CLDN14: variants seen among roughly 807,000 people sequenced by gnomAD.
CLDN14 encodes claudin-14.
A neutral mutation model predicts 2.1 loss-of-function variants in CLDN14; 2 were observed. The ratio of observed to expected loss-of-function variants is 0.96; its 90% CI spans 0.39 to 3.01. The LOEUF (loss-of-function observed/expected upper bound fraction) is 3.01, where lower values mean the gene tolerates loss of function less well. CLDN14 is among the 30% of genes most tolerant of loss of function. The pLI is 0.09. For missense variants in CLDN14, 298 were observed against 328.0 expected (o/e 0.91, Z 0.71); for synonymous variants, 136 against 154.4 (o/e 0.88, Z 0.88).
chr21:36,525,769 C>G (rs541317866), intron 1 of CLDN14, among the ~76,000 whole-genome samples: 1 of 152,316 alleles, frequency 6.6e-6, no homozygotes, highest in South Asian at 2.1e-4. Flanking sequence ...ACTCCTCCAG[C>G]GATACAGCTG....
At chr21:36,568,223 C>T (rs898360416) in intron 1 of CLDN14, among the ~76,000 whole-genome samples, 6 of 152,144 alleles carry the variant, frequency 3.9e-5, no homozygotes, top group African/African-American at 1.2e-4. Flanking sequence ...AACGGAGCTG[C>T]TAAGGTGGAC....
intron 1 of CLDN14, among the ~76,000 whole-genome samples, chr21:36,535,612 G>T (rs2087417943): frequency 6.6e-6 from 1 of 152,110 alleles, no homozygotes; most frequent in East Asian, 1.9e-4. Flanking sequence ...GACATGTATA[G>T]TCATGTTTTA....
At chr21:36,471,448 T>TG (rs1333388578) in intron 1 of CLDN14, among the ~76,000 whole-genome samples, 7 of 152,088 alleles carry the variant, frequency 4.6e-5, no homozygotes, top group East Asian at 1.9e-4. Context: ...ACAGAGAGTT[T>TG]GGGGGGGCTC....
At chr21:36,565,749 G>A (rs1401533673) in intron 1 of CLDN14, among the ~76,000 whole-genome samples, 1 of 152,168 alleles carries the variant, frequency 6.6e-6, no homozygotes, top group African/African-American at 2.4e-5. Flanking sequence ...TAGTGCTGTG[G>A]AGTCTTCCAA....
At chr21:36,540,362 TTTTA>T (rs1418786360) in intron 1 of CLDN14, among the ~76,000 whole-genome samples, 6 of 152,162 alleles carry the variant, frequency 3.9e-5, no homozygotes, top group Non-Finnish European at 8.8e-5. Context: ...TTGTATTGTT[TTTTA>T]TTGTTGTGTT....
chr21:36,543,327 T>C (rs1360643152), intron 1 of CLDN14, among the ~76,000 whole-genome samples: 1 of 152,312 alleles, frequency 6.6e-6, no homozygotes, highest in Non-Finnish European at 1.5e-5. Flanking sequence ...GAACAAAAAA[T>C]GTCCCTGCTC....
At position 36,540,779 on chromosome 21, in the gene CLDN14, T is replaced by C. The variant is rs144546223; in HGVS notation, c.-219-30279A>G. 7.2e-3 allele frequency among the ~76,000 whole-genome samples: 1,092 copies of C among 152,184 alleles called. 9 individuals are homozygous for C. Among genetic ancestry groups the C allele is most frequent in the Middle Eastern group, 0.01 (3 of 294 alleles). ...GCCAGACCTTACAGGTGGTGATAAA[T>C]AGTTAGATGTTTATTCTAAGGGAAG... On this transcript the variant is annotated intron_variant, in intron 1 of 2. Transcript: ENST00000342108.
At chr21:36,573,646 A>G (rs184794161) in intron 1 of CLDN14, among the ~76,000 whole-genome samples, 4 of 152,290 alleles carry the variant, frequency 2.6e-5, no homozygotes, top group Admixed American at 2.6e-4. Flanking sequence ...TTAGTCTTAA[A>G]TTATTTATTT....
intron 1 of CLDN14, among the ~76,000 whole-genome samples, chr21:36,553,416 A>C (rs440551): frequency 0.75 from 113,819 of 151,966 alleles, 44,103 homozygotes; most frequent in Non-Finnish European, 0.87. Context: ...TCTGGTCCAG[A>C]CTCTGCTGGC....
intron 1 of CLDN14, among the ~76,000 whole-genome samples, chr21:36,523,797 A>T (rs150313090): frequency 1.3e-5 from 1 of 79,366 alleles, no homozygotes; most frequent in Non-Finnish European, 2.3e-5. Context: ...GAAAGAAAGA[A>T]AGAAAGAAAG....
chr21:36,528,639 C>T lies in CLDN14; in HGVS notation c.-219-18139G>A, dbSNP rs2087354561. Among the ~76,000 whole-genome samples the T allele has an allele frequency of 3.9e-5, 6 of 152,284 alleles. No individual in the cohort carries two copies. The South Asian group carries it at 1.0e-3, about 26-fold the overall frequency. ...CCACAGATATTGGGGTATGTGGGTC[C>T]CTGAGTCTTCGGTCCATGCAAGGGG... is the stretch of plus-strand genomic sequence containing the variant. On this transcript the variant is annotated intron_variant, in intron 1 of 2. Coordinates refer to the CLDN14 transcript ENST00000342108.
intron 1 of CLDN14, among the ~76,000 whole-genome samples, chr21:36,574,939 G>A (rs754827807): frequency 6.6e-6 from 1 of 151,944 alleles, no homozygotes; most frequent in Non-Finnish European, 1.5e-5. Flanking sequence ...CCTGTCCCCT[G>A]CATCTTTAGA....
chr21:36,495,363 A>G (rs928790944), intron 2 of CLDN14, among the ~76,000 whole-genome samples: 11 of 152,230 alleles, frequency 7.2e-5, no homozygotes, highest in Admixed American at 3.3e-4. Flanking sequence ...GGGAACCAGA[A>G]AGTCTGATTG....
intron 1 of CLDN14, among the ~76,000 whole-genome samples, chr21:36,522,398 G>A (rs1193124550): frequency 6.6e-6 from 1 of 152,214 alleles, no homozygotes; most frequent in East Asian, 1.9e-4. Context: ...TTAACTTTGG[G>A]AGACACTGAG....
At chr21:36,534,680 G>T (rs2146504667) in intron 1 of CLDN14, among the ~76,000 whole-genome samples, 1 of 152,250 alleles carries the variant, frequency 6.6e-6, no homozygotes, top group South Asian at 2.1e-4. Context: ...CTACTCCAGG[G>T]GCAAGCAGCC....
Position 36,499,468 on chromosome 21 carries a change from G to C in CLDN14, c.-82+10895C>G, listed in dbSNP as rs1274456809. On this transcript the variant is annotated intron_variant, in intron 2 of 2. Transcript: ENST00000342108. The surrounding 1 kb of genome is among the most constrained non-coding windows in gnomAD (Gnocchi z 4.7). Reference sequence around the variant, plus strand: ...ATGAATGGAGGATTGAGTGCATTTAGGCTATTAGTAGAAAGTGATCAAGAT... The same window carrying C: ...ATGAATGGAGGATTGAGTGCATTTACGCTATTAGTAGAAAGTGATCAAGAT... 6.6e-6 allele frequency among the ~76,000 whole-genome samples: 1 copy of C among 152,142 alleles called. No homozygotes were observed. The highest frequency in any genetic ancestry group is 1.5e-5 in the Non-Finnish European group (1 of 68,018).
At chr21:36,495,972 G>A (rs577305140) in intron 2 of CLDN14, among the ~76,000 whole-genome samples, 1 of 152,302 alleles carries the variant, frequency 6.6e-6, no homozygotes, top group Non-Finnish European at 1.5e-5. Flanking sequence ...GAAGGGGCAA[G>A]GAAGCCTTCT....
chr21:36,475,899 C>T (rs578027754), intron 1 of CLDN14, among the ~76,000 whole-genome samples: 3 of 152,148 alleles, frequency 2.0e-5, no homozygotes, highest in African/African-American at 4.8e-5. Context: ...CTCAAACTCC[C>T]GACTTCAAAT....
At position 36,572,032 on chromosome 21, in the gene CLDN14, T is replaced by A. The variant is rs924229968; in HGVS notation, c.-220+4379A>T. Among the ~76,000 whole-genome samples the A allele has an allele frequency of 1.3e-5, 2 of 152,192 alleles. 1 individual carries two copies. Among genetic ancestry groups the A allele is most frequent in the South Asian group, 4.1e-4 (2 of 4,828 alleles). On this transcript the variant is annotated intron_variant, in intron 1 of 2. Transcript: ENST00000342108. ...CGTGAAATAAGATCTAGCAACGGAA[T>A]TGCCAACTCAAAGTCTCACTGAAAC...
Sources: gnomAD v4.1 joint callset for allele counts (sites outside exome capture counted in the v4.1 genomes callset) on GRCh38, gnomAD v4.1.1 for gene constraint, Gnocchi (gnomAD v3.1) non-coding constraint, MANE v1.5 for transcripts, NCBI Gene and HGNC (gene_info 2026-07-23, HGNC 2026-07-21) for gene names.